The following TUBB8B variants were observed in gnomAD, a reference collection of about 807,000 sequenced individuals.
TUBB8B encodes tubulin beta 8B.
A neutral mutation model predicts 31.9 loss-of-function variants in TUBB8B; 26 were observed. The ratio of observed to expected loss-of-function variants is 0.81; its 90% confidence interval spans 0.60 to 1.13. The LOEUF (loss-of-function observed/expected upper bound fraction) is 1.13. TUBB8B is among the 50% of genes most tolerant of loss of function. The pLI, the probability that TUBB8B is intolerant of heterozygous loss-of-function variation, is 0.00. For synonymous variants in TUBB8B, 173 were observed against 231.0 expected (o/e 0.75, Z 2.28); for missense variants, 467 against 586.7 (o/e 0.80, Z 2.11).
Position 47,345 on chromosome 18 carries a change from A to T in TUBB8B, c.*45T>A, listed in dbSNP as rs572982212. 1 of 641,178 alleles carries T rather than the reference A, an allele frequency of 1.6e-6. No individual in the cohort carries two copies. 39.7% of individuals were successfully genotyped at this position (641,178 alleles called of 1,614,324 possible). A position where few individuals can be genotyped will look rare whatever the true frequency, so the allele number is the denominator to read the frequency against. ...TGACACATGGCTGTCAGAACACAGTAAAGAATCCACACTGCTTCCCCCCTT... is the reference window on the plus strand; with the variant it reads ...TGACACATGGCTGTCAGAACACAGTTAAGAATCCACACTGCTTCCCCCCTT... On this transcript the variant is annotated 3_prime_UTR_variant, in exon 4 of 4. Coordinates refer to ENST00000308911, the MANE Select transcript of TUBB8B (RefSeq NM_001358689.2).
the TUBB8B span, among the ~76,000 whole-genome samples, chr18:62,592 T>C: frequency 6.6e-6 from 1 of 151,468 alleles, no homozygotes; most frequent in Non-Finnish European, 1.5e-5. Context: ...TTAATTTCTT[T>C]TTGTATTTTT....
the TUBB8B span, among the ~76,000 whole-genome samples, chr18:63,400 G>A: frequency 2.6e-5 from 4 of 151,756 alleles, no homozygotes; most frequent in Non-Finnish European, 4.4e-5. Flanking sequence ...GATTTATCAA[G>A]TAGAGATTCT....
At chr18:61,343 A>G in the TUBB8B span, among the ~76,000 whole-genome samples, 15 of 151,578 alleles carry the variant, frequency 9.9e-5, no homozygotes, top group African/African-American at 3.6e-4. Context: ...ATGTATCTTT[A>G]CAGGTAGAGT....
At position 48,198 on chromosome 18, in the gene TUBB8B, G is replaced by C. The variant is rs543588177; in HGVS notation, c.527C>G (p.Ser176Trp). The change falls in exon 4 of 4, where the codon TCG (serine) becomes TGG (tryptophan). Residue 176 changes from serine to tryptophan, a missense_variant. Transcript: ENST00000308911. ...GTTGTAGGGCTCCACCACGGTGTCC[G>C]ACACCTTGGGCGAGGGCAGGATGCT... ...TFSILPSPKV[S>W]DTVVEPYNAT... is the part of the protein sequence containing the mutation. 3.7e-6 allele frequency: 6 copies of C among 1,608,068 alleles called. No homozygotes were observed. In the East Asian group the frequency reaches 8.9e-5, roughly 24 times the overall value.
chr18:52,204 G>C (rs7228483), upstream of TUBB8B, among the ~76,000 whole-genome samples: 124 of 152,036 alleles, frequency 8.2e-4, no homozygotes, highest in African/African-American at 2.8e-3. Context: ...AGACATCAAG[G>C]CTAAAAGTCA....
chr18:63,714 A>AACCCCTAACCCTAACC, the TUBB8B span, among the ~76,000 whole-genome samples: 1 of 137,524 alleles, frequency 7.3e-6, no homozygotes, highest in Non-Finnish European at 1.6e-5. Flanking sequence ...TAACCCTAAC[A>AACCCCTAACCCTAACC]CTAACCCTAA....
the TUBB8B span, among the ~76,000 whole-genome samples, chr18:67,251 C>T: frequency 6.6e-6 from 1 of 152,254 alleles, no homozygotes; most frequent in African/African-American, 2.4e-5. Flanking sequence ...CCGCCTTGGC[C>T]TCCCAAAGTG....
At chr18:50,235 A>G (rs961008788), upstream of TUBB8B, 3 of 186,482 alleles carry the variant, frequency 1.6e-5, no homozygotes, top group African/African-American at 7.1e-5. Context: ...GCTGTGAAAG[A>G]TGGGCCATTG....
At chr18:53,164 G>C (rs924727787), upstream of TUBB8B, among the ~76,000 whole-genome samples, 1 of 151,744 alleles carries the variant, frequency 6.6e-6, no homozygotes, top group Non-Finnish European at 1.5e-5. Flanking sequence ...TGAGTACCTA[G>C]CTACTCATAT....
the TUBB8B span, among the ~76,000 whole-genome samples, chr18:63,534 C>T: frequency 2.6e-5 from 4 of 151,796 alleles, 2 homozygotes; most frequent in Admixed American, 2.6e-4. Flanking sequence ...CGCTGGTTCA[C>T]ACTTGAAGTA....
the TUBB8B span, chr18:73,465 C>T: frequency 1.3e-5 from 2 of 158,018 alleles, no homozygotes; most frequent in African/African-American, 2.4e-5. Context: ...AGTGGACCCC[C>T]CGTCCTCACA....
the TUBB8B span, among the ~76,000 whole-genome samples, chr18:65,876 C>T: frequency 1.3e-4 from 20 of 152,258 alleles, 1 homozygote; most frequent in South Asian, 4.1e-3. Context: ...AATGTCGATA[C>T]ACAGTAATCT....
upstream of TUBB8B, among the ~76,000 whole-genome samples, chr18:54,154 A>C (rs1320498970): frequency 6.6e-6 from 1 of 151,818 alleles, no homozygotes; most frequent in African/African-American, 2.4e-5. Flanking sequence ...TTGGATAAGG[A>C]CATTCCAAAG....
At chr18:52,559 C>CA (rs1906152186), upstream of TUBB8B, among the ~76,000 whole-genome samples, 1 of 151,594 alleles carries the variant, frequency 6.6e-6, no homozygotes, top group Admixed American at 6.6e-5. Flanking sequence ...TCATTCTTGC[C>CA]AACCTGAATG....
the TUBB8B span, among the ~76,000 whole-genome samples, chr18:66,252 C>A: frequency 5.2e-4 from 79 of 152,296 alleles, no homozygotes; most frequent in African/African-American, 1.9e-3. Context: ...AAAGAAATTA[C>A]ATTTTAAAAA....
chr18:48,557 G>C, intron 3 of TUBB8B, 110 bp from the exon 4 acceptor site: 1 of 840,568 alleles, frequency 1.2e-6, no homozygotes, highest in Non-Finnish European at 2.0e-6. Flanking sequence ...AGCACCATTC[G>C]CCCTGCAGGT....
At chr18:60,565 C>G in the TUBB8B span, among the ~76,000 whole-genome samples, 2 of 151,598 alleles carry the variant, frequency 1.3e-5, no homozygotes, top group Non-Finnish European at 2.9e-5. Context: ...TTATTTGCAG[C>G]TTTTCTGATT....
the TUBB8B span, among the ~76,000 whole-genome samples, chr18:63,956 C>G: frequency 6.6e-6 from 1 of 151,122 alleles, no homozygotes; most frequent in Non-Finnish European, 1.5e-5. Context: ...TACCCTAACC[C>G]TAACCCCTAA....
the TUBB8B span, among the ~76,000 whole-genome samples, chr18:55,670 G>C: frequency 1.3e-5 from 2 of 151,812 alleles, no homozygotes; most frequent in East Asian, 3.9e-4. Context: ...CTCAATACCT[G>C]GGGATTACAA....
Sources: gnomAD v4.1 joint callset for allele counts (sites outside exome capture counted in the v4.1 genomes callset) on GRCh38, gnomAD v4.1.1 for gene constraint, MANE v1.5 for transcripts, NCBI Gene and HGNC (gene_info 2026-07-23, HGNC 2026-07-21) for gene names.